The following NKAIN2 variants were observed in gnomAD, a reference collection of about 807,000 sequenced individuals.
NKAIN2 encodes the protein sodium/potassium-transporting ATPase subunit beta-1-interacting protein 2.
NKAIN2 carries 14 observed loss-of-function variants against 32.6 expected under a neutral mutation model. That is an observed-to-expected ratio of 0.43 (90% confidence interval 0.28 to 0.67). The LOEUF (loss-of-function observed/expected upper bound fraction) is 0.67, where lower values mean the gene tolerates loss of function less well. Ranked by LOEUF, NKAIN2 falls within the 30% of genes least tolerant of loss-of-function variation. NKAIN2 has a pLI of 0.17. For synonymous variants in NKAIN2, 80 were observed against 87.2 expected (o/e 0.92, Z 0.46); for missense variants, 198 against 258.3 (o/e 0.77, Z 1.60).
chr6:124,374,796 T>TA (rs1799911050), intron 3 of NKAIN2, among the ~76,000 whole-genome samples: 1 of 152,128 alleles, frequency 6.6e-6, no homozygotes, highest in Non-Finnish European at 1.5e-5. Flanking sequence ...AGAGAATAGT[T>TA]ATAATATATC....
intron 4 of NKAIN2, among the ~76,000 whole-genome samples, chr6:124,714,492 C>A (rs1775656368): frequency 6.6e-6 from 1 of 152,118 alleles, no homozygotes; most frequent in Admixed American, 6.5e-5. Context: ...TGGTGAAAAG[C>A]CTTTTGTCTA....
intron 1 of NKAIN2, among the ~76,000 whole-genome samples, chr6:124,077,011 T>A (rs542627171): frequency 6.6e-6 from 1 of 152,220 alleles, no homozygotes; most frequent in East Asian, 1.9e-4. Flanking sequence ...TTTAGATGAA[T>A]GTATATAAAG....
At chr6:123,966,137 G>A (rs1510294) in intron 1 of NKAIN2, among the ~76,000 whole-genome samples, 51,452 of 152,034 alleles carry the variant, frequency 0.34, 8,860 homozygotes, top group African/African-American at 0.41. Context: ...CTGCCAGGAC[G>A]ATGGTAGCAA....
At chr6:124,592,553 A>G (rs1236437486) in intron 3 of NKAIN2, among the ~76,000 whole-genome samples, 1 of 152,238 alleles carries the variant, frequency 6.6e-6, no homozygotes, top group African/African-American at 2.4e-5. Flanking sequence ...TGCCTGGGCT[A>G]TAAAGCTTTA....
rs558573056 is a variant in NKAIN2, at chr6:124,366,450, G to GA, written c.273+11113dup. Reference sequence around the variant, plus strand: ...CATCATTAATCAAAATCTTTTGACAGAAAAAAAAAACCATTTTGTGTTCAC... The same window carrying GA: ...CATCATTAATCAAAATCTTTTGACAGAAAAAAAAAAACCATTTTGTGTTCAC... On this transcript the variant is annotated intron_variant, in intron 3 of 6. Coordinates refer to ENST00000368417, the MANE Select transcript of NKAIN2 (RefSeq NM_001040214.3). Among the ~76,000 whole-genome samples the GA allele has an allele frequency of 6.7e-3, 979 of 146,594 alleles. 14 individuals are homozygous for GA. The highest frequency in any genetic ancestry group is 0.022 in the African/African-American group (897 of 40,086).
chr6:124,751,519 T>C (rs34416110), intron 4 of NKAIN2, among the ~76,000 whole-genome samples: 7,171 of 151,852 alleles, frequency 0.047, 243 homozygotes, highest in Non-Finnish European at 0.078. Flanking sequence ...AGATGTCCCT[T>C]GAAAAATAGG....
At chr6:124,651,156 C>G (rs992760658) in intron 3 of NKAIN2, among the ~76,000 whole-genome samples, 5 of 152,098 alleles carry the variant, frequency 3.3e-5, no homozygotes, top group Admixed American at 1.3e-4. Flanking sequence ...ACCCTATGTC[C>G]CATCTTTTTA....
intron 2 of NKAIN2, among the ~76,000 whole-genome samples, chr6:124,351,954 G>C (rs1798755020): frequency 6.6e-6 from 1 of 152,080 alleles, no homozygotes; most frequent in Non-Finnish European, 1.5e-5. Context: ...AAGAGATGAT[G>C]ATGTGACATA....
In NKAIN2 at chr6:124,202,246, T is replaced by G. The variant is rs76110125; in HGVS notation, c.55-80759T>G. 1.8e-4 allele frequency among the ~76,000 whole-genome samples: 27 copies of G among 152,120 alleles called. No homozygotes were observed. The East Asian group carries it at 4.8e-3, about 27-fold the overall frequency. On this transcript the variant is annotated intron_variant, in intron 1 of 6. Transcript: ENST00000368417. ...AAGCCAGTTGCACCTGTAAATATAT[T>G]ACTTTATTCTGTAAGTCCCACTTAA...
intron 3 of NKAIN2, among the ~76,000 whole-genome samples, chr6:124,422,090 G>A (rs922525258): frequency 1.1e-4 from 17 of 151,982 alleles, no homozygotes; most frequent in African/African-American, 4.1e-4. Flanking sequence ...AAAAATAAAA[G>A]TATAATTTGA....
chr6:124,403,930 T>G (rs182400242), intron 3 of NKAIN2, among the ~76,000 whole-genome samples: 2 of 152,308 alleles, frequency 1.3e-5, no homozygotes, highest in East Asian at 3.9e-4. Context: ...AATTCATAAT[T>G]ATGTATTTTA....
At chr6:124,687,482 T>TGTATTCCATAC in intron 4 of NKAIN2, among the ~76,000 whole-genome samples, 2 of 99,712 alleles carry the variant, frequency 2.0e-5, no homozygotes, top group Non-Finnish European at 5.0e-5. Context: ...ATGGAATATA[T>TGTATTCCATAC]ATATTCCATA....
intron 1 of NKAIN2, among the ~76,000 whole-genome samples, chr6:124,270,115 C>G (rs1279125273): frequency 6.6e-6 from 1 of 152,106 alleles, no homozygotes; most frequent in Admixed American, 6.5e-5. Context: ...ATCTCCTTCT[C>G]CTGATGACAA....
chr6:123,870,905 C>CT (rs1372054093), intron 1 of NKAIN2, among the ~76,000 whole-genome samples: 2 of 151,980 alleles, frequency 1.3e-5, no homozygotes, highest in East Asian at 1.9e-4. Flanking sequence ...ATATATATGT[C>CT]TTTTTTTAAT....
rs565117284 is a variant in NKAIN2 at position 123,911,785 on chromosome 6, A to ATGTATATATATATATGTATATATATATG, written c.54+107532_54+107533insGTATATATATATATGTATATATATATGT. 5.2e-4 allele frequency among the ~76,000 whole-genome samples: 47 copies of ATGTATATATATATATGTATATATATATG among 89,674 alleles called. 1 individual carries two copies. Among genetic ancestry groups the ATGTATATATATATATGTATATATATATG allele is most frequent in the East Asian group, 3.1e-3 (11 of 3,504 alleles). 58.8% of individuals were successfully genotyped at this position (89,674 alleles called of 152,430 possible). ...TAGTCGTATATATACATACATACAT[A>ATGTATATATATATATGTATATATATATG]TATATATATATATATGTATATATAT... is the stretch of plus-strand genomic sequence containing the variant. On this transcript the variant is annotated intron_variant, in intron 1 of 6. Coordinates refer to ENST00000368417, the MANE Select transcript of NKAIN2 (RefSeq NM_001040214.3).
chr6:124,757,007 A>G (rs148765884), intron 4 of NKAIN2, among the ~76,000 whole-genome samples: 2,260 of 152,148 alleles, frequency 0.015, 28 homozygotes, highest in Non-Finnish European at 0.025. Flanking sequence ...TCTACTTTAC[A>G]TCTAAGTTTT....
At chr6:124,104,355 T>A (rs1785021243) in intron 1 of NKAIN2, among the ~76,000 whole-genome samples, 1 of 152,036 alleles carries the variant, frequency 6.6e-6, no homozygotes, top group African/African-American at 2.4e-5. Context: ...GTTGCTGAGG[T>A]GGTAGTTGAT....
chr6:123,972,866 G>C (rs946790083), intron 1 of NKAIN2, among the ~76,000 whole-genome samples: 2 of 152,106 alleles, frequency 1.3e-5, no homozygotes, highest in Admixed American at 1.3e-4. Flanking sequence ...TGTGAGGTCT[G>C]CATGTGTGCT....
At chr6:124,769,648 T>G (rs1044227347) in intron 4 of NKAIN2, among the ~76,000 whole-genome samples, 1 of 152,190 alleles carries the variant, frequency 6.6e-6, no homozygotes, top group Admixed American at 6.5e-5. Context: ...ACTCCTTCAT[T>G]TTACTGATTC....
Sources: gnomAD v4.1 joint callset for allele counts (sites outside exome capture counted in the v4.1 genomes callset) on GRCh38, gnomAD v4.1.1 for gene constraint, MANE v1.5 for transcripts, NCBI Gene and HGNC (gene_info 2026-07-23, HGNC 2026-07-21) for gene names.